Variants in MAGED1 observed in about 807,000 individuals in gnomAD.
The protein encoded by MAGED1 is MAGE family member D1.
A neutral mutation model predicts 54.1 loss-of-function variants in MAGED1; 3 were observed. The observed-to-expected ratio is 0.06, with a 90% CI of 0.03 to 0.14. The LOEUF (loss-of-function observed/expected upper bound fraction) is 0.14, where lower values mean the gene tolerates loss of function less well. MAGED1 is among the 10% of genes least tolerant of loss of function. The pLI is 1.00. For missense variants in MAGED1, 485 were observed against 623.4 expected (o/e 0.78, Z 2.36); for synonymous variants, 217 against 227.3 (o/e 0.95, Z 0.41).
intron 1 of MAGED1, among the ~76,000 whole-genome samples, chrX:51,882,546 C>A (rs1170997679): frequency 2.8e-5 from 3 of 105,669 alleles, no homozygotes; most frequent in Non-Finnish European, 5.8e-5. Context: ...TTTCTTTTTG[C>A]TGCATACATC....
intron 1 of MAGED1, among the ~76,000 whole-genome samples, chrX:51,884,138 G>T (rs1174963917): frequency 9.0e-6 from 1 of 111,009 alleles, no homozygotes; most frequent in East Asian, 2.8e-4. Context: ...GGGGGTGGGG[G>T]AGACAATCCC....
chrX:51,876,581 GACT>G (rs1927874733), intron 1 of MAGED1, among the ~76,000 whole-genome samples: 1 of 110,797 alleles, frequency 9.0e-6, no homozygotes, highest in African/African-American at 3.3e-5. Context: ...CCAAGCCAAG[GACT>G]CACAACACTG....
At chrX:51,805,975 T>C (rs1441691449) in intron 1 of MAGED1, among the ~76,000 whole-genome samples, 2 of 70,193 alleles carry the variant, frequency 2.8e-5, no homozygotes, top group African/African-American at 5.1e-5. Context: ...CTTTTTTTTT[T>C]TTTTTTTTTT....
intron 10 of MAGED1, 74 bp from the exon 11 acceptor site, chrX:51,900,108 G>T: frequency 1.5e-6 from 1 of 654,735 alleles, no homozygotes; most frequent in Non-Finnish European, 2.5e-6. Context: ...GTTAAAAAAT[G>T]TAAGATTATT....
chrX:51,850,989 C>T (rs1427892327), intron 1 of MAGED1, among the ~76,000 whole-genome samples: 2 of 111,258 alleles, frequency 1.8e-5, no homozygotes, highest in Non-Finnish European at 3.8e-5. Flanking sequence ...ATCTTGTAAA[C>T]GTGGAATCCT....
At chrX:51,810,502 A>C (rs1325434896) in intron 1 of MAGED1, among the ~76,000 whole-genome samples, 1 of 112,009 alleles carries the variant, frequency 8.9e-6, no homozygotes, top group Non-Finnish European at 1.9e-5. Context: ...AATGCTTACT[A>C]TCATGTATCT....
At chrX:51,808,495 G>A (rs1557355295) in intron 1 of MAGED1, among the ~76,000 whole-genome samples, 1 of 111,960 alleles carries the variant, frequency 8.9e-6, no homozygotes, top group East Asian at 2.8e-4. Context: ...GACAACTTGA[G>A]CCCAGGAGTT....
At chrX:51,856,919 G>A (rs781985843) in intron 1 of MAGED1, 196 of 111,645 alleles carry the variant, frequency 1.8e-3, no homozygotes, top group African/African-American at 5.9e-3. Context: ...AGGAAAAAAA[G>A]CACAGAGATA....
At chrX:51,900,692 C>T (rs1330913745) in intron 11 of MAGED1, among the ~76,000 whole-genome samples, 1 of 111,601 alleles carries the variant, frequency 9.0e-6, no homozygotes, top group Non-Finnish European at 1.9e-5. Context: ...TGCAGTGGCG[C>T]AATCTTGGCT....
At chrX:51,864,281 A>G (rs1257815339) in intron 1 of MAGED1, among the ~76,000 whole-genome samples, 1 of 110,829 alleles carries the variant, frequency 9.0e-6, no homozygotes, top group Non-Finnish European at 1.9e-5. Context: ...CCATTTGTTG[A>G]AGAAACTATC....
intron 1 of MAGED1, among the ~76,000 whole-genome samples, chrX:51,826,413 G>A (rs1557356968): frequency 8.9e-6 from 1 of 111,821 alleles, no homozygotes; most frequent in Admixed American, 9.5e-5. Flanking sequence ...CATGTGAAGT[G>A]TGAGGTTTGT....
chrX:51,848,113 T>G (rs1926752209), intron 1 of MAGED1, among the ~76,000 whole-genome samples: 3 of 111,783 alleles, frequency 2.7e-5, no homozygotes, highest in African/African-American at 9.8e-5. Flanking sequence ...AACTTTAATG[T>G]CTCAGATAAA....
upstream of MAGED1, among the ~76,000 whole-genome samples, chrX:51,890,235 T>G (rs1928386419): frequency 8.9e-6 from 1 of 112,640 alleles, no homozygotes; most frequent in Non-Finnish European, 1.9e-5. Flanking sequence ...ATACATGTTT[T>G]CACACATCAT....
intron 1 of MAGED1, among the ~76,000 whole-genome samples, chrX:51,844,364 T>A (rs988534607): frequency 8.9e-6 from 1 of 112,176 alleles, no homozygotes; most frequent in Non-Finnish European, 1.9e-5. Context: ...CCAAGCAAAG[T>A]GTTAAAAGTA....
chrX:51,895,149 G>C lies in MAGED1; in HGVS notation c.142G>C (p.Ala48Pro), dbSNP rs782021678. 8.3e-6 allele frequency: 10 copies of C among 1,210,442 alleles called. No individual in the cohort carries two copies. Among genetic ancestry groups the C allele is most frequent in the Non-Finnish European group, 1.1e-5 (10 of 895,257 alleles). Reference sequence around the variant, plus strand: ...TCCACCTACTAACCAGGCCACCGCAGCTGCTAGTCCCCAGAGTTCACAGCC... The same window carrying C: ...TCCACCTACTAACCAGGCCACCGCACCTGCTAGTCCCCAGAGTTCACAGCC... ...EAPPTNQATA[A>P]ASPQSSQPPT... Residue 48 changes from alanine to proline, a missense_variant, in exon 3 of 13, where the codon GCT (alanine) becomes CCT (proline). Around this residue, in one of 2 missense-constraint regions of MAGED1, gnomAD observed 299 missense variants for 293.1 expected, o/e 1.02. Transcript: ENST00000326587.
At chrX:51,875,372 A>G (rs1927831586) in intron 1 of MAGED1, among the ~76,000 whole-genome samples, 1 of 111,122 alleles carries the variant, frequency 9.0e-6, no homozygotes, top group African/African-American at 3.3e-5. Context: ...ACTCCAATTC[A>G]AGGAATCCCC....
At chrX:51,902,070 A>G in intron 12 of MAGED1, 76 bp from the exon 13 acceptor site, 1 of 597,155 alleles carries the variant, frequency 1.7e-6, no homozygotes, top group East Asian at 3.6e-5. Context: ...ATGGGGCAGC[A>G]CTCTTTGGTA....
chrX:51,886,600 A>T (rs1373915546), intron 1 of MAGED1, among the ~76,000 whole-genome samples: 3 of 108,971 alleles, frequency 2.8e-5, no homozygotes, highest in African/African-American at 1.0e-4. Context: ...CACTATTTCC[A>T]GATGTCATGA....
In MAGED1 at chrX:51,815,974, G is replaced by A. The variant is rs782623226; in HGVS notation, c.-37+12857G>A. 3.6e-5 allele frequency among the ~76,000 whole-genome samples: 4 copies of A among 111,785 alleles called. No individual in the cohort carries two copies. The East Asian group carries it at 1.1e-3, about 31-fold the overall frequency. ...AAAATGATTTTAGTGTAGCCTAAGT[G>A]TACTAAAGTGCACATTAGTGTACAG... On this transcript the variant is annotated intron_variant, in intron 1 of 12. Coordinates refer to the MAGED1 transcript ENST00000375772.
Sources: allele counts gnomAD v4.1 joint callset (sites outside exome capture counted in the v4.1 genomes callset), GRCh38; gene constraint gnomAD v4.1.1; regional missense constraint gnomAD v4.1.1; transcripts MANE v1.5; gene names NCBI Gene and HGNC (gene_info 2026-07-23, HGNC 2026-07-21).